The following KCNAB1 variants were observed in gnomAD, a reference collection of about 807,000 sequenced individuals.
The protein encoded by KCNAB1 is voltage-gated potassium channel subunit beta-1.
In KCNAB1, 35 loss-of-function variants were observed where a neutral mutation model predicts 64.6. The observed-to-expected ratio is 0.54, with a 90% CI of 0.41 to 0.72. The LOEUF (loss-of-function observed/expected upper bound fraction) is 0.72, where lower values mean the gene tolerates loss of function less well. Among genes scored for constraint, KCNAB1 ranks in the 30% least tolerant of loss-of-function variants. The probability of loss-of-function intolerance (pLI) is 0.00; values close to 1 mark genes in which losing one functional copy is unlikely to be tolerated. For missense variants in KCNAB1, 401 were observed against 512.9 expected (o/e 0.78, Z 2.11); for synonymous variants, 177 against 183.8 (o/e 0.96, Z 0.30).
At chr3:156,291,131 G>C in intron 1 of KCNAB1, 2 of 985,528 alleles carry the variant, frequency 2.0e-6, no homozygotes, top group Non-Finnish European at 2.4e-6. Context: ...GCAAGAGCCT[G>C]GTGCAAGTGA....
At chr3:156,483,207 C>T (rs891524848) in intron 8 of KCNAB1, among the ~76,000 whole-genome samples, 1 of 151,926 alleles carries the variant, frequency 6.6e-6, no homozygotes, top group Non-Finnish European at 1.5e-5. Context: ...GAAAAGATGC[C>T]CGGGTCAGTA....
intron 8 of KCNAB1, among the ~76,000 whole-genome samples, chr3:156,477,066 T>C (rs1336189726): frequency 6.6e-6 from 1 of 152,162 alleles, no homozygotes; most frequent in East Asian, 1.9e-4. Context: ...TTGCATTATA[T>C]TTATAGAAGA....
intron 1 of KCNAB1, among the ~76,000 whole-genome samples, chr3:156,241,638 G>A (rs1717169581): frequency 6.6e-6 from 1 of 152,156 alleles, no homozygotes; most frequent in Admixed American, 6.5e-5. Flanking sequence ...CTGGGGCTGC[G>A]TGCTTCTGTG....
chr3:156,251,045 A>G (rs1308321694), intron 1 of KCNAB1, among the ~76,000 whole-genome samples: 1 of 152,218 alleles, frequency 6.6e-6, no homozygotes, highest in Non-Finnish European at 1.5e-5. Context: ...GGGAATTTTT[A>G]TGAAAAATAG....
At chr3:156,352,107 G>A (rs912409248) in intron 1 of KCNAB1, among the ~76,000 whole-genome samples, 4 of 152,204 alleles carry the variant, frequency 2.6e-5, no homozygotes, top group African/African-American at 9.6e-5. Flanking sequence ...GGCAGGGTCT[G>A]GAGTCGGAGG....
chr3:156,300,860 A>G (rs1721111619), intron 1 of KCNAB1, among the ~76,000 whole-genome samples: 1 of 152,248 alleles, frequency 6.6e-6, no homozygotes, highest in African/African-American at 2.4e-5. Context: ...ATCCAGGTAG[A>G]AAGCTAACAA....
At chr3:156,359,144 A>G (rs1190390521) in intron 1 of KCNAB1, among the ~76,000 whole-genome samples, 3 of 152,226 alleles carry the variant, frequency 2.0e-5, no homozygotes, top group Non-Finnish European at 4.4e-5. Flanking sequence ...TTTCAAAATC[A>G]TACTGTTTGA....
chr3:156,520,709 T>C (rs1436045352), intron 11 of KCNAB1, among the ~76,000 whole-genome samples: 1 of 152,208 alleles, frequency 6.6e-6, no homozygotes, highest in Non-Finnish European at 1.5e-5. Context: ...ACTAAGCATA[T>C]TGTACATTAT....
intron 1 of KCNAB1, among the ~76,000 whole-genome samples, chr3:156,274,137 A>G (rs1719194830): frequency 6.6e-6 from 1 of 152,220 alleles, no homozygotes; most frequent in Admixed American, 6.5e-5. Flanking sequence ...GGACAAATAG[A>G]AAACAAAAGC....
intron 1 of KCNAB1, among the ~76,000 whole-genome samples, chr3:156,205,596 T>C (rs943192379): frequency 6.6e-6 from 1 of 152,194 alleles, no homozygotes; most frequent in Non-Finnish European, 1.5e-5. Flanking sequence ...TCAGGTCCGA[T>C]CGATCATCAA....
intron 1 of KCNAB1, among the ~76,000 whole-genome samples, chr3:156,281,510 C>T (rs1331847144): frequency 1.3e-5 from 2 of 151,924 alleles, no homozygotes; most frequent in Non-Finnish European, 2.9e-5. Flanking sequence ...CCCTCTTTTT[C>T]TATTGATTGG....
chr3:156,527,796 AGT>A (rs1222532996), intron 12 of KCNAB1, among the ~76,000 whole-genome samples: 2 of 152,080 alleles, frequency 1.3e-5, no homozygotes, highest in African/African-American at 4.8e-5. Context: ...CTGCTAGGAG[AGT>A]GTGGGAGAGG....
chr3:156,212,349 T>C (rs1389494563), intron 1 of KCNAB1, among the ~76,000 whole-genome samples: 1 of 152,132 alleles, frequency 6.6e-6, no homozygotes. Context: ...TTAGTGATGG[T>C]TTCAGATACT....
At chr3:156,332,516 A>G (rs1348167394) in intron 1 of KCNAB1, among the ~76,000 whole-genome samples, 3 of 152,190 alleles carry the variant, frequency 2.0e-5, no homozygotes, top group African/African-American at 7.2e-5. Context: ...AGTTTCAACC[A>G]GTATTTGCCA....
intron 1 of KCNAB1, among the ~76,000 whole-genome samples, chr3:156,227,073 G>C: frequency 6.6e-6 from 1 of 152,200 alleles, no homozygotes; most frequent in East Asian, 1.9e-4. Flanking sequence ...TGATGATTAA[G>C]TGCTTTTGGG....
intron 1 of KCNAB1, among the ~76,000 whole-genome samples, chr3:156,242,282 ATTTTAATT>A (rs934358742): frequency 1.3e-5 from 2 of 151,886 alleles, no homozygotes; most frequent in African/African-American, 4.8e-5. Context: ...GTTATTCTTT[ATTTTAATT>A]TTTTAATTTT....
Position 156,502,036 on chromosome 3 carries a change from C to G in KCNAB1, c.659-12328C>G, listed in dbSNP as rs187273949. Among the ~76,000 whole-genome samples, 380 of 152,256 alleles carry G rather than the reference C, an allele frequency of 2.5e-3. 5 individuals carry two copies. The highest frequency in any genetic ancestry group is 8.9e-3 in the African/African-American group (370 of 41,544). ...CAATTACCTCCCTCTGGGTCCCTCC[C>G]GCAACATGTGGGAATTCTGGGAGAT... On this transcript the variant is annotated intron_variant, in intron 8 of 13. Coordinates refer to ENST00000490337, the MANE Select transcript of KCNAB1 (RefSeq NM_172160.3).
At chr3:156,428,098 C>T (rs1288692721) in intron 2 of KCNAB1, among the ~76,000 whole-genome samples, 1 of 152,144 alleles carries the variant, frequency 6.6e-6, no homozygotes, top group Non-Finnish European at 1.5e-5. Flanking sequence ...CATGGAATGT[C>T]CAGATATTTA....
chr3:156,311,285 G>A (rs1036825192), intron 1 of KCNAB1, among the ~76,000 whole-genome samples: 79 of 152,296 alleles, frequency 5.2e-4, no homozygotes, highest in African/African-American at 1.9e-3. Context: ...GAGAGAGAGG[G>A]TTCCAAGAAG....
Sources: gnomAD v4.1 joint callset for allele counts (sites outside exome capture counted in the v4.1 genomes callset) on GRCh38, gnomAD v4.1.1 for gene constraint, MANE v1.5 for transcripts, NCBI Gene and HGNC (gene_info 2026-07-23, HGNC 2026-07-21) for gene names.